TMIGD2: variants seen among roughly 807,000 people sequenced by gnomAD.
The protein encoded by TMIGD2 is transmembrane and immunoglobulin domain-containing protein 2.
In TMIGD2, 18 loss-of-function variants were observed where a neutral mutation model predicts 22.6. The observed-to-expected ratio is 0.80, with a 90% CI of 0.55 to 1.18. The LOEUF (loss-of-function observed/expected upper bound fraction) is 1.18. Ranked by LOEUF, TMIGD2 falls within the 50% of genes most tolerant of loss-of-function variation. TMIGD2 has a pLI of 0.00. For synonymous variants in TMIGD2, 184 were observed against 154.1 expected, an observed-to-expected ratio of 1.19 and a Z score of -1.44; for missense variants, 361 against 378.2, an observed-to-expected ratio of 0.95 and a Z score of 0.38.
intron 1 of TMIGD2, 38 bp from the exon 2 acceptor site, chr19:4,298,383 G>C: frequency 6.6e-7 from 1 of 1,514,782 alleles, no homozygotes; most frequent in Non-Finnish European, 8.8e-7. Context: ...CTTTCTGACT[G>C]TGCGCATGTG....
chr19:4,298,532 T>C (rs1250356444), intron 1 of TMIGD2, among the ~76,000 whole-genome samples, 187 bp from the exon 2 acceptor site: 1 of 151,796 alleles, frequency 6.6e-6, no homozygotes, highest in Non-Finnish European at 1.5e-5. Flanking sequence ...AGCCCAGGAG[T>C]TCCAGACCAG....
chr19:4,299,556 G>C (rs571507250), intron 1 of TMIGD2, among the ~76,000 whole-genome samples: 2 of 151,244 alleles, frequency 1.3e-5, no homozygotes, highest in African/African-American at 2.4e-5. Context: ...AGTCTGGAGC[G>C]CAGTGGCACC....
intron 1 of TMIGD2, among the ~76,000 whole-genome samples, chr19:4,300,620 T>TA (rs759873675): frequency 1.3e-5 from 2 of 152,192 alleles, no homozygotes; most frequent in Non-Finnish European, 1.5e-5. Context: ...CCTCCCAAAT[T>TA]ACTGGTGTTA....
In TMIGD2 at chr19:4,294,549, C is replaced by T. The variant is rs200786855; in HGVS notation, c.562+18G>A. On this transcript the variant is annotated intron_variant, in intron 4 of 4. Transcript: ENST00000301272. ...AAGCAGCTGCAGTTCCCACCTCCTC[C>T]GCCCTACCCTCCCTTACCTGGGCTG... is the stretch of plus-strand genomic sequence containing the variant. 4.4e-5 allele frequency: 70 copies of T among 1,607,684 alleles called. No individual in the cohort carries two copies. The East Asian group carries it at 4.7e-4, about 11-fold the overall frequency.
At chr19:4,301,741 GGA>G (rs1404049691) in intron 1 of TMIGD2, among the ~76,000 whole-genome samples, 1 of 152,216 alleles carries the variant, frequency 6.6e-6, no homozygotes, top group Non-Finnish European at 1.5e-5. Flanking sequence ...TGGAATCAGA[GGA>G]GAGGGAAAGA....
exon 5 of TMIGD2, chr19:4,292,578 G>A (rs1302580960): frequency 1.9e-6 from 3 of 1,607,904 alleles, no homozygotes; most frequent in Admixed American, 1.7e-5. Flanking sequence ...GTGGGGTCCT[G>A]TTGAGGTCTC....
rs779002448 is a variant in TMIGD2, at chr19:4,297,982, G to A, written c.406+4C>T. ...CCCCTCCCTCTCCCCGCTGGCTCCC[G>A]TACCTGGGTCCACAAAGAGCCTTGT... On this transcript the variant is annotated splice_donor_region_variant and intron_variant, in intron 2 of 4. Coordinates refer to ENST00000301272, the Ensembl canonical transcript of TMIGD2. The A allele has an allele frequency of 1.0e-5, 16 of 1,570,636 alleles. No homozygotes were observed. The highest frequency in any genetic ancestry group is 4.7e-5 in the South Asian group (4 of 85,102).
intron 1 of TMIGD2, among the ~76,000 whole-genome samples, chr19:4,299,419 T>C (rs1354955952): frequency 6.6e-6 from 1 of 151,892 alleles, no homozygotes; most frequent in African/African-American, 2.4e-5. Flanking sequence ...AGTGCTGGGA[T>C]TGTAGATGTG....
chr19:4,297,201 G>A (rs1373444489), intron 2 of TMIGD2, among the ~76,000 whole-genome samples: 1 of 149,174 alleles, frequency 6.7e-6, no homozygotes, highest in Non-Finnish European at 1.5e-5. Flanking sequence ...CTGAGTAGCT[G>A]GAATTACAGG....
chr19:4,297,484 C>G lies in TMIGD2; in HGVS notation c.406+502G>C, dbSNP rs568801973. ...TCCTGGGCTCAGGTGATCCTCTTGC[C>G]TTAGCCTCCCAAAATGCTGGGATTA... is the stretch of plus-strand genomic sequence containing the variant. On this transcript the variant is annotated intron_variant, in intron 2 of 4. Coordinates refer to ENST00000301272, the Ensembl canonical transcript of TMIGD2. 5.3e-5 allele frequency among the ~76,000 whole-genome samples: 8 copies of G among 152,300 alleles called. No individual in the cohort carries two copies. The South Asian group carries it at 1.7e-3, about 32-fold the overall frequency.
rs187046549 is a variant in TMIGD2 at position 4,292,428 on chromosome 19, G to A, written c.*171C>T. The A allele has an allele frequency of 2.1e-3, 1,548 of 722,798 alleles. 4 individuals are homozygous for A. The highest frequency in any genetic ancestry group is 3.0e-3 in the Non-Finnish European group (1,224 of 413,452). The allele number at this position is 722,798 out of a possible 1,614,324, so 44.8% of individuals were successfully genotyped here. On this transcript the variant is annotated 3_prime_UTR_variant, in exon 5 of 5. Coordinates refer to ENST00000301272, the Ensembl canonical transcript of TMIGD2. ...GCAATCTCGGCTCACTGCAACCTCC[G>A]CCTCCCAGGTTCAAGCCAGGCTGGT...
At chr19:4,294,259 A>G (rs902951357) in intron 4 of TMIGD2, among the ~76,000 whole-genome samples, 8 of 151,392 alleles carry the variant, frequency 5.3e-5, no homozygotes, top group Non-Finnish European at 1.0e-4. Flanking sequence ...AGTAGATACA[A>G]GGTTTCACCA....
At chr19:4,299,064 C>T (rs1971501134) in intron 1 of TMIGD2, among the ~76,000 whole-genome samples, 1 of 152,142 alleles carries the variant, frequency 6.6e-6, no homozygotes, top group South Asian at 2.1e-4. Flanking sequence ...TGGCAGTGGC[C>T]TCAGCAGACA....
rs202044547 is a variant in TMIGD2 at position 4,298,129 on chromosome 19, G to C, written c.263C>G (p.Ser88Cys). The C allele has an allele frequency of 7.3e-5, 118 of 1,613,378 alleles. 1 individual carries two copies. The highest frequency in any genetic ancestry group is 6.7e-5 in the Admixed American group (4 of 59,976). ...GGTGAGATGGCTGGGTGCCTGCCAG[G>C]AGAGCCGTCCCTGGGGCCCGCAGAC... Residue 88 changes from serine (S) to cysteine (C), a missense_variant, in exon 2 of 5, where the codon TCC becomes TGC. Coordinates refer to ENST00000301272, the Ensembl canonical transcript of TMIGD2.
intron 1 of TMIGD2, among the ~76,000 whole-genome samples, chr19:4,302,074 G>A (rs1971543250): frequency 6.6e-6 from 1 of 152,164 alleles, no homozygotes; most frequent in African/African-American, 2.4e-5. Flanking sequence ...GAGCAAGAGG[G>A]AGGGAGCAAA....
At chr19:4,297,481 T>C (rs1971476629) in intron 2 of TMIGD2, among the ~76,000 whole-genome samples, 1 of 152,190 alleles carries the variant, frequency 6.6e-6, no homozygotes, top group Non-Finnish European at 1.5e-5. Context: ...GTGATCCTCT[T>C]GCCTTAGCCT....
chr19:4,292,524 ACCGTGTCTGGCCTCGATCCCC>A lies in TMIGD2; in HGVS notation c.*54_*74del, dbSNP rs764978222. On this transcript the variant is annotated 3_prime_UTR_variant, in exon 5 of 5. Coordinates refer to ENST00000301272, the Ensembl canonical transcript of TMIGD2. ...ACTGCTGGGATTACAGGCGTGAGCC[ACCGTGTCTGGCCTCGATCCCC>A]CCTTTTTTGTGTGTACCTATGGGTG... 3 of 1,434,514 alleles carry A rather than the reference ACCGTGTCTGGCCTCGATCCCC, an allele frequency of 2.1e-6. No homozygotes were observed. In the South Asian group the frequency reaches 3.5e-5, roughly 17 times the overall value. The allele number at this position is 1,434,514 out of a possible 1,614,324, so 88.9% of individuals were successfully genotyped here. A position where few individuals can be genotyped will look rare whatever the true frequency, so the allele number is the denominator to read the frequency against.
intron 4 of TMIGD2, among the ~76,000 whole-genome samples, 200 bp downstream of exon 4, chr19:4,294,379 G>T (rs770995318): frequency 2.6e-5 from 4 of 152,140 alleles, no homozygotes; most frequent in Non-Finnish European, 5.9e-5. Context: ...TGTAGAGATG[G>T]GATCTTGCTA....
exon 5 of TMIGD2, chr19:4,292,680 G>A (rs1299088501): frequency 6.2e-6 from 10 of 1,604,390 alleles, no homozygotes; most frequent in Non-Finnish European, 8.5e-6. Context: ...TGACCATAGA[G>A]ACGGGGTGGC....
Sources: gnomAD v4.1 joint callset for allele counts (sites outside exome capture counted in the v4.1 genomes callset) on GRCh38, gnomAD v4.1.1 for gene constraint, MANE v1.5 for transcripts, NCBI Gene and HGNC (gene_info 2026-07-23, HGNC 2026-07-21) for gene names.